The following GALNTL6 variants were observed in gnomAD, a reference collection of about 807,000 sequenced individuals.
The protein encoded by GALNTL6 is polypeptide N-acetylgalactosaminyltransferase like 6, also known as polypeptide N-acetylgalactosaminyltransferase-like 6.
A neutral mutation model predicts 73.7 loss-of-function variants in GALNTL6; 46 were observed. That is an observed-to-expected ratio of 0.62 (90% confidence interval 0.49 to 0.80). GALNTL6 has a LOEUF of 0.80. Ranked by LOEUF, GALNTL6 falls within the 30% of genes least tolerant of loss-of-function variation. The pLI is 0.00. For missense variants in GALNTL6, 604 were observed against 755.0 expected (o/e 0.80, Z 2.34); for synonymous variants, 259 against 263.7 (o/e 0.98, Z 0.17).
At chr4:172,402,087 A>C (rs117548771) in intron 5 of GALNTL6, among the ~76,000 whole-genome samples, 9 of 152,046 alleles carry the variant, frequency 5.9e-5, no homozygotes, top group Non-Finnish European at 1.3e-4. Context: ...ATACTTTCTA[A>C]TGATACTTCT....
At chr4:172,318,300 A>T (rs1020929749) in intron 4 of GALNTL6, among the ~76,000 whole-genome samples, 8 of 152,220 alleles carry the variant, frequency 5.3e-5, no homozygotes, top group African/African-American at 1.4e-4. Context: ...TGTAACTAAG[A>T]GGTATGTCCC....
intron 10 of GALNTL6, among the ~76,000 whole-genome samples, chr4:172,963,088 C>T (rs1160273765): frequency 6.6e-6 from 1 of 152,122 alleles, no homozygotes; most frequent in African/African-American, 2.4e-5. Flanking sequence ...TCCTCTCTGA[C>T]TCCTCACCCC....
chr4:172,762,958 A>G (rs930690369), intron 5 of GALNTL6, among the ~76,000 whole-genome samples: 1 of 152,012 alleles, frequency 6.6e-6, no homozygotes, highest in African/African-American at 2.4e-5. Context: ...TAAATAAAAA[A>G]CTCTCAAGTC....
At chr4:172,154,160 T>G (rs1734183715) in intron 2 of GALNTL6, among the ~76,000 whole-genome samples, 1 of 151,928 alleles carries the variant, frequency 6.6e-6, no homozygotes, top group African/African-American at 2.4e-5. Flanking sequence ...CACATGAGTT[T>G]TTTTTTTTTT....
At chr4:172,459,274 G>C (rs919999317) in intron 5 of GALNTL6, among the ~76,000 whole-genome samples, 1 of 152,092 alleles carries the variant, frequency 6.6e-6, no homozygotes, top group African/African-American at 2.4e-5. Flanking sequence ...ACGGGCAAAA[G>C]CTGGAAGCAT....
chr4:172,554,189 A>C (rs1736063073), intron 5 of GALNTL6, among the ~76,000 whole-genome samples: 1 of 152,190 alleles, frequency 6.6e-6, no homozygotes, highest in South Asian at 2.1e-4. Context: ...GGATTCTTTC[A>C]ATATTGGAAA....
chr4:172,584,379 A>T (rs1361789322), intron 5 of GALNTL6, among the ~76,000 whole-genome samples: 1 of 152,182 alleles, frequency 6.6e-6, no homozygotes, highest in Non-Finnish European at 1.5e-5. Flanking sequence ...AGATTTATTT[A>T]AAAACAAAAC....
chr4:172,437,385 G>A (rs375321859), intron 5 of GALNTL6, among the ~76,000 whole-genome samples: 14 of 152,036 alleles, frequency 9.2e-5, no homozygotes, highest in African/African-American at 3.4e-4. Context: ...ACCTGAATAT[G>A]TGAAATTATG....
At chr4:172,314,197 G>T (rs1452499674) in intron 4 of GALNTL6, among the ~76,000 whole-genome samples, 1 of 152,064 alleles carries the variant, frequency 6.6e-6, no homozygotes, top group East Asian at 1.9e-4. Context: ...TTTTTATATT[G>T]ACACAATCTA....
At chr4:171,952,735 C>A (rs533263516) in intron 2 of GALNTL6, among the ~76,000 whole-genome samples, 1 of 151,972 alleles carries the variant, frequency 6.6e-6, no homozygotes, top group Non-Finnish European at 1.5e-5. Flanking sequence ...ATGGTGAATG[C>A]CTGATCTAAT....
intron 5 of GALNTL6, among the ~76,000 whole-genome samples, chr4:172,400,709 A>C (rs1744006143): frequency 6.6e-6 from 1 of 152,058 alleles, no homozygotes; most frequent in African/African-American, 2.4e-5. Flanking sequence ...GGCAGGAGTA[A>C]GTTGATGTTA....
At chr4:172,318,061 G>C (rs895571206) in intron 4 of GALNTL6, among the ~76,000 whole-genome samples, 1 of 152,158 alleles carries the variant, frequency 6.6e-6, no homozygotes, top group Non-Finnish European at 1.5e-5. Context: ...GCAGGAGATT[G>C]AAAGAAGGAA....
At chr4:172,743,164 A>G (rs1266870699) in intron 5 of GALNTL6, among the ~76,000 whole-genome samples, 4 of 152,042 alleles carry the variant, frequency 2.6e-5, no homozygotes, top group Non-Finnish European at 5.9e-5. Flanking sequence ...GAGGCTTGCC[A>G]GGAGTTCCAT....
intron 11 of GALNTL6, 35 bp downstream of exon 11, chr4:173,009,329 C>G (rs762383137): frequency 2.1e-5 from 25 of 1,189,976 alleles, no homozygotes; most frequent in Non-Finnish European, 3.0e-5. Flanking sequence ...GCAGTGGGAA[C>G]CAGTCGGGGG....
intron 5 of GALNTL6, among the ~76,000 whole-genome samples, chr4:172,570,781 T>C (rs913080626): frequency 1.3e-5 from 2 of 152,286 alleles, no homozygotes; most frequent in Middle Eastern, 3.4e-3. Context: ...GAAATAATTA[T>C]ACAACTCACC....
At chr4:172,212,375 T>C (rs1736354011) in intron 2 of GALNTL6, among the ~76,000 whole-genome samples, 1 of 152,196 alleles carries the variant, frequency 6.6e-6, no homozygotes, top group Admixed American at 6.5e-5. Flanking sequence ...TTGATCAGGC[T>C]GGTCTTGAAC....
chr4:172,180,131 T>C (rs925727968), intron 2 of GALNTL6, among the ~76,000 whole-genome samples: 6 of 152,204 alleles, frequency 3.9e-5, no homozygotes, highest in Non-Finnish European at 5.9e-5. Context: ...TTTTAATGAT[T>C]GCCATTCTAA....
intron 7 of GALNTL6, among the ~76,000 whole-genome samples, chr4:172,834,661 G>A (rs1742814971): frequency 6.6e-6 from 1 of 152,196 alleles, no homozygotes; most frequent in Admixed American, 6.5e-5. Context: ...ATGCACCCTT[G>A]GAGAGGGCCA....
chr4:172,256,671 A>T (rs1173853782), intron 3 of GALNTL6, among the ~76,000 whole-genome samples: 1 of 151,322 alleles, frequency 6.6e-6, no homozygotes, highest in African/African-American at 2.4e-5. Flanking sequence ...CTCTACCCAG[A>T]ATATTTTCCC....
Sources: allele counts gnomAD v4.1 joint callset (sites outside exome capture counted in the v4.1 genomes callset), GRCh38; gene constraint gnomAD v4.1.1; transcripts MANE v1.5; gene names NCBI Gene and HGNC (gene_info 2026-07-23, HGNC 2026-07-21).